The following SEPTIN9 variants were observed in gnomAD, a reference collection of about 807,000 sequenced individuals.
SEPTIN9 encodes septin 9.
In SEPTIN9, 13 loss-of-function variants were observed where a neutral mutation model predicts 56.6. The ratio of observed to expected loss-of-function variants is 0.23; its 90% CI spans 0.15 to 0.37. The LOEUF (loss-of-function observed/expected upper bound fraction) is 0.37, where lower values mean the gene tolerates loss of function less well. SEPTIN9 is among the 10% of genes least tolerant of loss of function. The pLI, the probability that SEPTIN9 is intolerant of heterozygous loss-of-function variation, is 1.00. For synonymous variants in SEPTIN9, 332 were observed against 334.1 expected (o/e 0.99, Z 0.07); for missense variants, 650 against 823.1 (o/e 0.79, Z 2.57).
At position 77,320,105 on chromosome 17, in the gene SEPTIN9, AGTTT is replaced by A; in HGVS notation, c.76+12910_76+12913del. The A allele has an allele frequency of 5.5e-6, 8 of 1,448,968 alleles. No individual in the cohort carries two copies. The South Asian group carries it at 1.2e-4, about 21-fold the overall frequency. 89.8% of individuals were successfully genotyped at this position (1,448,968 alleles called of 1,614,324 possible). On this transcript the variant is annotated intron_variant, in intron 2 of 11. Coordinates refer to ENST00000427177, the MANE Select transcript of SEPTIN9 (RefSeq NM_001113491.2). ...CGTTTTGAAGAGACAATGCTACTTC[AGTTT>A]GGAGCACAAACATATGATCAGCACA...
At chr17:77,473,895 G>A (rs1411419550) in intron 3 of SEPTIN9, among the ~76,000 whole-genome samples, 2 of 152,114 alleles carry the variant, frequency 1.3e-5, no homozygotes, top group Admixed American at 6.5e-5. Flanking sequence ...CAGGATCATC[G>A]TCTACCATTA....
intron 2 of SEPTIN9, among the ~76,000 whole-genome samples, chr17:77,325,387 C>T (rs1243943274): frequency 6.6e-6 from 1 of 152,210 alleles, no homozygotes; most frequent in Non-Finnish European, 1.5e-5. Flanking sequence ...TTCTCACGCC[C>T]AGCTGGTTCC....
At position 77,437,864 on chromosome 17, in the gene SEPTIN9, G is replaced by A. The variant is rs556994574; in HGVS notation, c.721+35161G>A. Among the ~76,000 whole-genome samples, 56 of 152,076 alleles carry A rather than the reference G, an allele frequency of 3.7e-4. No homozygotes were observed. The highest frequency in any genetic ancestry group is 3.4e-3 in the Middle Eastern group (1 of 294). ...CAGGTGCCTCCCGAAGCTTCTCCCTGGCCCCAGGCCAGAGGTGACAGTGGG... is the reference window on the plus strand; with the variant it reads ...CAGGTGCCTCCCGAAGCTTCTCCCTAGCCCCAGGCCAGAGGTGACAGTGGG... On this transcript the variant is annotated intron_variant, in intron 3 of 11. Coordinates refer to ENST00000427177, the MANE Select transcript of SEPTIN9 (RefSeq NM_001113491.2). This position sits in a 1 kb window ranked among gnomAD's most constrained non-coding sequence, Gnocchi z 5.3.
intron 2 of SEPTIN9, among the ~76,000 whole-genome samples, chr17:77,322,241 A>G (rs748270278): frequency 1.2e-4 from 18 of 152,258 alleles, no homozygotes; most frequent in Non-Finnish European, 2.2e-4. Context: ...CAGGCTCACA[A>G]AACACGGGCT....
At chr17:77,391,199 A>AT (rs1389510967) in intron 2 of SEPTIN9, among the ~76,000 whole-genome samples, 2 of 152,128 alleles carry the variant, frequency 1.3e-5, no homozygotes, top group Non-Finnish European at 2.9e-5. Flanking sequence ...GGGCTTCAGA[A>AT]TTGACGGGAC....
chr17:77,334,762 T>C (rs2033480651), intron 2 of SEPTIN9, among the ~76,000 whole-genome samples: 1 of 152,194 alleles, frequency 6.6e-6, no homozygotes, highest in South Asian at 2.1e-4. Context: ...TTTTTTAACC[T>C]ATTATAGCCG....
chr17:77,409,434 G>A (rs1333949720), intron 3 of SEPTIN9, among the ~76,000 whole-genome samples: 6 of 152,224 alleles, frequency 3.9e-5, no homozygotes, highest in African/African-American at 1.2e-4. Flanking sequence ...GTGGTGAGAG[G>A]AAAGGAGGGC....
At position 77,449,101 on chromosome 17, in the gene SEPTIN9, T is replaced by C. The variant is rs2037869184; in HGVS notation, c.722-33043T>C. On this transcript the variant is annotated intron_variant, in intron 3 of 11. Coordinates refer to ENST00000427177, the MANE Select transcript of SEPTIN9 (RefSeq NM_001113491.2). This position sits in a 1 kb window ranked among gnomAD's most constrained non-coding sequence, Gnocchi z 4.6. ...GCCTGGCTTGTTCTTACATTTTTTA[T>C]TGTAGGTGCTGGAAAATGTAAGGTT... Among the ~76,000 whole-genome samples, 1 of 152,084 alleles carries C rather than the reference T, an allele frequency of 6.6e-6. No individual in the cohort carries two copies. The highest frequency in any genetic ancestry group is 2.4e-5 in the African/African-American group (1 of 41,410).
Position 77,371,391 on chromosome 17 carries a change from C to T in SEPTIN9, c.77-30668C>T, listed in dbSNP as rs769324151. On this transcript the variant is annotated intron_variant, in intron 2 of 11. Coordinates refer to ENST00000427177, the MANE Select transcript of SEPTIN9 (RefSeq NM_001113491.2). This position sits in a 1 kb window ranked among gnomAD's most constrained non-coding sequence, Gnocchi z 4.1. ...GATGGAGAATGTACAATTGGCTGACCCTGTGCTAATCTGGTGGAACTCCAT... is the reference window on the plus strand; with the variant it reads ...GATGGAGAATGTACAATTGGCTGACTCTGTGCTAATCTGGTGGAACTCCAT... Among the ~76,000 whole-genome samples the T allele has an allele frequency of 7.2e-5, 11 of 152,180 alleles. No homozygotes were observed. Among genetic ancestry groups the T allele is most frequent in the Non-Finnish European group, 1.2e-4 (8 of 68,040 alleles).
chr17:77,301,464 A>C (rs533699545), intron 1 of SEPTIN9, among the ~76,000 whole-genome samples: 112 of 151,112 alleles, frequency 7.4e-4, no homozygotes, highest in African/African-American at 2.6e-3. Flanking sequence ...TCGCTCTGTC[A>C]CCCAGGCTGG....
chr17:77,381,867 G>A (rs540141900), intron 2 of SEPTIN9, among the ~76,000 whole-genome samples: 5 of 152,188 alleles, frequency 3.3e-5, no homozygotes, highest in Non-Finnish European at 4.4e-5. Context: ...GGCCAGCTCT[G>A]TTCTAGGCAC....
At chr17:77,283,414 T>C (rs2031127063) in intron 1 of SEPTIN9, among the ~76,000 whole-genome samples, 1 of 151,944 alleles carries the variant, frequency 6.6e-6, no homozygotes, top group South Asian at 2.1e-4. Context: ...TGGAGGGGGC[T>C]GATGGTGGGG....
Position 77,318,753 on chromosome 17 carries a change from C to T in SEPTIN9, c.76+11556C>T, listed in dbSNP as rs2032795076. ...TATCCCAGGCAGAGAGCGGACGGGA[C>T]TGTGGCCTGAAGTGGCACTTCAGGG... On this transcript the variant is annotated intron_variant, in intron 2 of 11. Coordinates refer to ENST00000427177, the MANE Select transcript of SEPTIN9 (RefSeq NM_001113491.2). This position sits in a 1 kb window ranked among gnomAD's most constrained non-coding sequence, Gnocchi z 4.9. 6.6e-6 allele frequency among the ~76,000 whole-genome samples: 1 copy of T among 152,144 alleles called. No homozygotes were observed. Among genetic ancestry groups the T allele is most frequent in the Non-Finnish European group, 1.5e-5 (1 of 68,028 alleles).
intron 1 of SEPTIN9, among the ~76,000 whole-genome samples, chr17:77,289,232 G>T (rs1031079019): frequency 2.0e-5 from 3 of 150,546 alleles, no homozygotes; most frequent in Non-Finnish European, 4.4e-5. Flanking sequence ...GAATAGCTGG[G>T]ATTACAGGCA....
chr17:77,380,248 C>T (rs2035087779), intron 2 of SEPTIN9: 1 of 99,796 alleles, frequency 1.0e-5, no homozygotes, highest in Admixed American at 9.2e-5. Flanking sequence ...GGACCATAAA[C>T]AGTGAGGCCC....
chr17:77,324,494 A>G (rs1334267047), intron 2 of SEPTIN9, among the ~76,000 whole-genome samples: 1 of 152,154 alleles, frequency 6.6e-6, no homozygotes, highest in East Asian at 1.9e-4. Context: ...TGGGGACAGC[A>G]TGGAGCCGGC....
chr17:77,309,193 C>T (rs2032385025), intron 2 of SEPTIN9, among the ~76,000 whole-genome samples: 2 of 152,272 alleles, frequency 1.3e-5, no homozygotes, highest in South Asian at 4.1e-4. Flanking sequence ...TGCATGGACA[C>T]AGCCTCCCCC....
chr17:77,464,645 G>A (rs912131045), intron 3 of SEPTIN9, among the ~76,000 whole-genome samples: 1 of 150,420 alleles, frequency 6.6e-6, no homozygotes, highest in African/African-American at 2.5e-5. Flanking sequence ...CTGTCGCCCA[G>A]GCTGGAGTGC....
At position 77,389,721 on chromosome 17, in the gene SEPTIN9, C is replaced by A. The variant is rs1479192942; in HGVS notation, c.77-12338C>A. ...AGGGTGGGCGGCCCTCCCACCCAGG[C>A]CCTGGCGGCCCCACCCCAGCCAGGA... On this transcript the variant is annotated intron_variant, in intron 2 of 11. Transcript: ENST00000427177. The surrounding 1 kb of genome is among the most constrained non-coding windows in gnomAD (Gnocchi z 4.3). Among the ~76,000 whole-genome samples, 1 of 152,038 alleles carries A rather than the reference C, an allele frequency of 6.6e-6. No individual in the cohort carries two copies. Among genetic ancestry groups the A allele is most frequent in the East Asian group, 1.9e-4 (1 of 5,174 alleles).
Sources: allele counts gnomAD v4.1 joint callset (sites outside exome capture counted in the v4.1 genomes callset), GRCh38; gene constraint gnomAD v4.1.1; non-coding constraint Gnocchi (gnomAD v3.1); transcripts MANE v1.5; gene names NCBI Gene and HGNC (gene_info 2026-07-23, HGNC 2026-07-21).